Variants in OXSM observed in about 807,000 individuals in gnomAD.
The protein encoded by OXSM is 3-oxoacyl-ACP synthase, mitochondrial.
OXSM carries 19 observed loss-of-function variants against 29.2 expected under a neutral mutation model. The ratio of observed to expected loss-of-function variants is 0.65; its 90% CI spans 0.45 to 0.96. The LOEUF is 0.96. Ranked by LOEUF, OXSM falls within the 40% of genes least tolerant of loss-of-function variation. The pLI is 0.00. For synonymous variants in OXSM, 178 were observed against 197.1 expected (o/e 0.90, Z 0.81); for missense variants, 554 against 551.3 (o/e 1.00, Z -0.05).
At position 25,791,773 on chromosome 3, in the gene OXSM, C is replaced by A. The variant is rs375831540; in HGVS notation, c.753C>A (p.Ala251=). The A allele has an allele frequency of 6.2e-7, 1 of 1,613,958 alleles. No homozygotes were observed. Among genetic ancestry groups the A allele is most frequent in the African/African-American group, 1.3e-5 (1 of 74,878 alleles). ...TATCTCTTGCTGGGTTTTCCAGAGC[C>A]CGGGCTCTGAGCACAAACTCAGATC... is the stretch of plus-strand genomic sequence containing the variant. The part of the protein sequence containing the change: ...SPLSLAGFSR[A]RALSTNSDPK... Residue 251 remains alanine, a synonymous_variant, in exon 2 of 3, where the codon GCC becomes GCA. Coordinates refer to ENST00000280701, the MANE Select transcript of OXSM (RefSeq NM_017897.3).
rs543480319 is a variant in OXSM at position 25,791,508 on chromosome 3, C to T, written c.488C>T (p.Thr163Ile). ...ATTCCTCTTGAAGTTGTTTCTGAAACTGCTTTGAATTTTCAGACAAAAGGT... is the reference window on the plus strand; with the variant it reads ...ATTCCTCTTGAAGTTGTTTCTGAAATTGCTTTGAATTTTCAGACAAAAGGT... ...GMIPLEVVSE[T>I]ALNFQTKGYN... The change falls in exon 2 of 3, where the codon ACT becomes ATT. Residue 163 changes from threonine (T) to isoleucine (I), a missense_variant. Transcript: ENST00000280701. 1 of 1,614,188 alleles carries T rather than the reference C, an allele frequency of 6.2e-7. No homozygotes were observed. The highest frequency in any genetic ancestry group is 1.1e-5 in the South Asian group (1 of 91,086).
intron 2 of OXSM, among the ~76,000 whole-genome samples, chr3:25,792,243 G>T (rs1428747595): frequency 6.6e-6 from 1 of 152,190 alleles, no homozygotes; most frequent in Non-Finnish European, 1.5e-5. Flanking sequence ...GACCATGTGT[G>T]TCTTTGCCAA....
At chr3:25,793,504 C>T (rs996272225) in intron 2 of OXSM, among the ~76,000 whole-genome samples, 32 of 152,078 alleles carry the variant, frequency 2.1e-4, no homozygotes, top group African/African-American at 2.2e-4. Context: ...ACATCCAAAA[C>T]GTTTTCAGAG....
intron 1 of OXSM, chr3:25,790,728 T>A (rs1379962421): frequency 6.6e-6 from 2 of 301,112 alleles, no homozygotes; most frequent in Non-Finnish European, 1.2e-5. Context: ...ATATTTTTCA[T>A]TGAATTACTG....
intron 2 of OXSM, among the ~76,000 whole-genome samples, chr3:25,792,267 C>T (rs1015783008): frequency 1.3e-4 from 20 of 152,328 alleles, no homozygotes; most frequent in Middle Eastern, 3.4e-3. Flanking sequence ...TTCACGCCTG[C>T]ATTTGTGCTT....
intron 2 of OXSM, among the ~76,000 whole-genome samples, chr3:25,792,741 A>C (rs1242919489): frequency 1.3e-5 from 2 of 152,200 alleles, no homozygotes; most frequent in African/African-American, 4.8e-5. Context: ...CTGCTGGTTT[A>C]AGGACTACAT....
At position 25,794,320 on chromosome 3, in the gene OXSM, T is replaced by A. The variant is rs768227511; in HGVS notation, c.1206T>A (p.Cys402Ter). ...AVEAAFTTLA[C>*]YYQKLPPTLN... The stretch of plus-strand genomic sequence containing the variant: ...AGGCAGCTTTTACCACATTAGCTTG[T>A]TATTATCAAAAACTACCACCTACTT... The change falls in exon 3 of 3, where the codon TGT (cysteine) becomes TGA (stop). Residue 402 changes from cysteine to a stop codon, truncating the protein, a stop_gained. Coordinates refer to ENST00000280701, the MANE Select transcript of OXSM (RefSeq NM_017897.3). LOFTEE classifies it high-confidence loss of function. 5 of 1,614,108 alleles carry A rather than the reference T, an allele frequency of 3.1e-6. No individual in the cohort carries two copies. In the Admixed American group the frequency reaches 8.3e-5, roughly 27 times the overall value.
intron 1 of OXSM, 130 bp downstream of exon 1, chr3:25,790,277 C>T: frequency 3.1e-6 from 1 of 318,498 alleles, no homozygotes; most frequent in Non-Finnish European, 6.0e-6. Context: ...CATGCTTCTT[C>T]GGGCTGTGTA....
chr3:25,793,782 C>T (rs1708816438), intron 2 of OXSM, among the ~76,000 whole-genome samples: 1 of 152,084 alleles, frequency 6.6e-6, no homozygotes, highest in Non-Finnish European at 1.5e-5. Context: ...TATTTTTTCC[C>T]CAAGGAAAAC....
Position 25,791,412 on chromosome 3 carries a change from A to G in OXSM, c.392A>G (p.Lys131Arg). The stretch of plus-strand genomic sequence containing the variant: ...ATTGGGGCTGCAGAATTAGCCATGA[A>G]GGATTCTGGCTGGCATCCTCAGTCA... ...MAIGAAELAM[K>R]DSGWHPQSEA... Residue 131 changes from lysine (K) to arginine (R), a missense_variant, in exon 2 of 3, where the codon AAG (lysine) becomes AGG (arginine). Coordinates refer to ENST00000280701, the MANE Select transcript of OXSM (RefSeq NM_017897.3). 6.2e-7 allele frequency: 1 copy of G among 1,614,148 alleles called. No homozygotes were observed.
rs1247395742 is a variant in OXSM at position 25,791,246 on chromosome 3, C to T, written c.226C>T (p.Leu76=). 2 of 1,614,184 alleles carry T rather than the reference C, an allele frequency of 1.2e-6. No individual in the cohort carries two copies. Among genetic ancestry groups the T allele is most frequent in the South Asian group, 2.2e-5 (2 of 91,078 alleles). ...LIGGESGIVS[L]VGEEYKSIPC... ...CGGAGGAGAGAGTGGAATTGTTTCA[C>T]TGGTTGGTGAAGAGTATAAGAGTAT... is the stretch of plus-strand genomic sequence containing the variant. The change falls in exon 2 of 3, where the codon CTG becomes TTG. Residue 76 remains leucine, a synonymous_variant. Coordinates refer to ENST00000280701, the MANE Select transcript of OXSM (RefSeq NM_017897.3).
At position 25,794,086 on chromosome 3, in the gene OXSM, T is replaced by C. The variant is rs1230921724; in HGVS notation, c.978-6T>C. On this transcript the variant is annotated splice_region_variant and splice_polypyrimidine_tract_variant and intron_variant, in intron 2 of 2. Transcript: ENST00000280701. ...TCCTGATAAATGTCTTTTCTTGTTT[T>C]ATTAGGTGTATGGCTGCTGCTTTAA... The C allele has an allele frequency of 1.9e-6, 3 of 1,594,022 alleles. No homozygotes were observed. Among genetic ancestry groups the C allele is most frequent in the Non-Finnish European group, 2.6e-6 (3 of 1,172,374 alleles).
intron 1 of OXSM, chr3:25,790,503 G>A: frequency 6.2e-6 from 1 of 160,778 alleles, no homozygotes; most frequent in East Asian, 1.8e-4. Context: ...GTATCCAGAC[G>A]CTCAGTCTAG....
At chr3:25,790,669 C>T in intron 1 of OXSM, 1 of 209,024 alleles carries the variant, frequency 4.8e-6, no homozygotes, top group Non-Finnish European at 9.6e-6. Flanking sequence ...TATCAGTAAT[C>T]CTGACAAAGG....
At chr3:25,790,574 T>C (rs1397860942) in intron 1 of OXSM, 1 of 170,314 alleles carries the variant, frequency 5.9e-6, no homozygotes, top group East Asian at 1.7e-4. Context: ...TGAAGATTGA[T>C]AAAGCCCACT....
In OXSM at chr3:25,791,537, A is replaced by G. The variant is rs755879820; in HGVS notation, c.517A>G (p.Asn173Asp). 1.9e-6 allele frequency: 3 copies of G among 1,614,116 alleles called. No individual in the cohort carries two copies. Among genetic ancestry groups the G allele is most frequent in the Non-Finnish European group, 2.5e-6 (3 of 1,180,038 alleles). Residue 173 changes from asparagine (N) to aspartate (D), a missense_variant, in exon 2 of 3, where the codon AAT becomes GAT. Coordinates refer to ENST00000280701, the MANE Select transcript of OXSM (RefSeq NM_017897.3). ...TALNFQTKGY[N>D]KVSPFFVPKI... is the part of the protein sequence containing the mutation. The stretch of plus-strand genomic sequence containing the variant: ...TTTGAATTTTCAGACAAAAGGTTAC[A>G]ATAAAGTTAGCCCATTTTTTGTCCC...
intron 2 of OXSM, among the ~76,000 whole-genome samples, chr3:25,792,679 A>G (rs2932014): frequency 0.87 from 132,014 of 151,992 alleles, 57,519 homozygotes; most frequent in East Asian, 0.95. Context: ...ATGGGGTTTC[A>G]CTTTATTTCC....
chr3:25,791,098 A>C lies in OXSM; in HGVS notation c.78A>C (p.Arg26Ser). 1 of 1,614,154 alleles carries C rather than the reference A, an allele frequency of 6.2e-7. No individual in the cohort carries two copies. Among genetic ancestry groups the C allele is most frequent in the Non-Finnish European group, 8.5e-7 (1 of 1,179,982 alleles). ...GTTCAAGATTATGCCAACAGTTAAG[A>C]AGTAAAAGGAAGTTTTTCGGAACTG... is the stretch of plus-strand genomic sequence containing the variant. ...LLCSRLCQQL[R>S]SKRKFFGTVP... The change falls in exon 2 of 3, where the codon AGA (arginine) becomes AGC (serine). Residue 26 changes from arginine (R) to serine (S), a missense_variant. Transcript: ENST00000280701.
At chr3:25,792,237 A>G (rs1402486183) in intron 2 of OXSM, among the ~76,000 whole-genome samples, 4 of 152,216 alleles carry the variant, frequency 2.6e-5, no homozygotes, top group Non-Finnish European at 5.9e-5. Flanking sequence ...GGAAAAGACC[A>G]TGTGTGTCTT....
Sources: allele counts gnomAD v4.1 joint callset (sites outside exome capture counted in the v4.1 genomes callset), GRCh38; gene constraint gnomAD v4.1.1; transcripts MANE v1.5; gene names NCBI Gene and HGNC (gene_info 2026-07-23, HGNC 2026-07-21).